The following PABPC4 variants were observed in gnomAD, a reference collection of about 807,000 sequenced individuals.
PABPC4 encodes the protein polyadenylate-binding protein 4.
Under a neutral mutation model 74.5 loss-of-function variants are expected in PABPC4, and 15 were observed. The observed-to-expected ratio is 0.20, with a 90% CI of 0.13 to 0.31. The LOEUF is 0.31. PABPC4 is among the 10% of genes least tolerant of loss of function. The pLI is 1.00. For synonymous variants in PABPC4, 345 were observed against 303.0 expected, an observed-to-expected ratio of 1.14 and a Z score of -1.44; for missense variants, 610 against 853.5, an observed-to-expected ratio of 0.71 and a Z score of 3.55.
At position 39,572,599 on chromosome 1, in the gene PABPC4, A is replaced by G. The variant is rs1645956367; in HGVS notation, c.194-13T>C. ...AAAGCCCGCTCAGCTGTAAGAGAGA[A>G]ACACATTTCAATAAGGAGAGAAAAC... On this transcript the variant is annotated splice_polypyrimidine_tract_variant and intron_variant, in intron 1 of 15. Coordinates refer to ENST00000372858, the MANE Select transcript of PABPC4 (RefSeq NM_001135653.2). The G allele has an allele frequency of 1.2e-6, 2 of 1,605,626 alleles. No homozygotes were observed. Among genetic ancestry groups the G allele is most frequent in the Admixed American group, 3.4e-5 (2 of 59,358 alleles).
At chr1:39,562,479 G>A in intron 12 of PABPC4, 63 bp from the exon 13 acceptor site, 4 of 1,203,636 alleles carry the variant, frequency 3.3e-6, no homozygotes, top group South Asian at 2.6e-5. Flanking sequence ...TGGTGGTTGA[G>A]TGCCTGTTCA....
rs373446411 is a variant in PABPC4 at position 39,567,739 on chromosome 1, G to A, written c.972+12C>T. Reference sequence around the variant, plus strand: ...TACCACTGCTTTCAATCCCCAGATCGCAGTATAATACCTTAGCACTGGTAA... The same window carrying A: ...TACCACTGCTTTCAATCCCCAGATCACAGTATAATACCTTAGCACTGGTAA... On this transcript the variant is annotated intron_variant, in intron 7 of 15. Transcript: ENST00000372858. The A allele has an allele frequency of 1.1e-5, 14 of 1,278,838 alleles. No homozygotes were observed. The highest frequency in any genetic ancestry group is 6.0e-5 in the South Asian group (5 of 83,570). 79.2% of individuals were successfully genotyped at this position (1,278,838 alleles called of 1,614,324 possible).
rs554293569 is a variant in PABPC4, at chr1:39,576,121, G to A, written c.-170C>T. Reference sequence around the variant, plus strand: ...GCTTGGAGACGGGACGGAAACGGGAGGCGGGGGCCGGCTCCCACGGCCGCA... The same window carrying A: ...GCTTGGAGACGGGACGGAAACGGGAAGCGGGGGCCGGCTCCCACGGCCGCA... On this transcript the variant is annotated 5_prime_UTR_variant, in exon 1 of 16. Coordinates refer to ENST00000372858, the MANE Select transcript of PABPC4 (RefSeq NM_001135653.2). The A allele has an allele frequency of 3.8e-4, 197 of 518,224 alleles. No homozygotes were observed. The highest frequency in any genetic ancestry group is 3.8e-3 in the African/African-American group (187 of 49,276). 32.1% of individuals were successfully genotyped at this position (518,224 alleles called of 1,614,324 possible). A position where few individuals can be genotyped will look rare whatever the true frequency, so the allele number is the denominator to read the frequency against.
At chr1:39,566,076 G>T (rs1262532674) in intron 7 of PABPC4, among the ~76,000 whole-genome samples, 1 of 152,128 alleles carries the variant, frequency 6.6e-6, no homozygotes, top group Non-Finnish European at 1.5e-5. Context: ...TTTTCTTTGA[G>T]TCCCCAGGTG....
chr1:39,571,317 A>G lies in PABPC4; in HGVS notation c.420T>C (p.Tyr140=). 6.2e-7 allele frequency: 1 copy of G among 1,614,180 alleles called. No individual in the cohort carries two copies. The highest frequency in any genetic ancestry group is 8.5e-7 in the Non-Finnish European group (1 of 1,180,040). ...CTTGGGTCTCGAAGTGGACAAAGGC[A>G]TAACCCTTAGAGCCGTTCTCATCAC... ...VVCDENGSKG[Y]AFVHFETQEA... is the part of the protein sequence containing the mutation. The change falls in exon 3 of 16, where the codon TAT becomes TAC. Residue 140 remains tyrosine, a synonymous_variant. Coordinates refer to ENST00000372858, the MANE Select transcript of PABPC4 (RefSeq NM_001135653.2).
In PABPC4 at chr1:39,560,990, A is replaced by G; in HGVS notation, c.*146T>C. On this transcript the variant is annotated 3_prime_UTR_variant, in exon 16 of 16. Transcript: ENST00000372858. ...AATTGAAAAATTCTAGGTGCTTCAT[A>G]ATTGACCTTTTGATACAAAATGACC... 1 of 380,182 alleles carries G rather than the reference A, an allele frequency of 2.6e-6. No individual in the cohort carries two copies. Among genetic ancestry groups the G allele is most frequent in the Admixed American group, 3.3e-5 (1 of 30,428 alleles). The allele number at this position is 380,182 out of a possible 1,614,324, so 23.6% of individuals were successfully genotyped here.
In PABPC4 at chr1:39,565,120, G is replaced by C; in HGVS notation, c.1231C>G (p.Pro411Ala). Residue 411 changes from proline to alanine, a missense_variant, in exon 8 of 16, where the codon CCA becomes GCA. By Grantham distance (27) the Pro-to-Ala change is conservative. Around this residue, in one of 4 missense-constraint regions of PABPC4, gnomAD observed 277 missense variants for 301.8 expected, o/e 0.92. Coordinates refer to ENST00000372858, the MANE Select transcript of PABPC4 (RefSeq NM_001135653.2). ...FQPAAGGYFVPAVPQAQGRPP... is the reference protein window; with the variant it reads ...FQPAAGGYFVAAVPQAQGRPP... ...AGCACACCCACCTGTGGGACTGCTG[G>C]CACAAAGTAGCCACCCGCTGCAGGC... 6.2e-7 allele frequency: 1 copy of C among 1,613,864 alleles called. No individual in the cohort carries two copies. Among genetic ancestry groups the C allele is most frequent in the Non-Finnish European group, 8.5e-7 (1 of 1,180,014 alleles).
At chr1:39,562,479 G>T in intron 12 of PABPC4, 63 bp from the exon 13 acceptor site, 2 of 1,203,630 alleles carry the variant, frequency 1.7e-6, no homozygotes, top group Non-Finnish European at 2.4e-6. Flanking sequence ...TGGTGGTTGA[G>T]TGCCTGTTCA....
At chr1:39,564,180 A>G (rs558280979) in intron 10 of PABPC4, 6 of 623,560 alleles carry the variant, frequency 9.6e-6, no homozygotes, top group African/African-American at 1.8e-5. Flanking sequence ...TCCAGCTAGC[A>G]AACTTCTACA....
chr1:39,570,869 T>C (rs1570393516), intron 3 of PABPC4, among the ~76,000 whole-genome samples: 1 of 152,346 alleles, frequency 6.6e-6, no homozygotes, highest in Non-Finnish European at 1.5e-5. Flanking sequence ...GTCACACTGC[T>C]AGTATACAGC....
chr1:39,569,408 A>C (rs1645902337), intron 5 of PABPC4, 187 bp downstream of exon 5: 1 of 602,392 alleles, frequency 1.7e-6, no homozygotes, highest in Non-Finnish European at 3.0e-6. Context: ...GTATGTGCCA[A>C]GTGCTTTGTA....
Position 39,564,495 on chromosome 1 carries a change from T to G in PABPC4, c.1381A>C (p.Thr461Pro), listed in dbSNP as rs564686454. The G allele has an allele frequency of 1.2e-6, 2 of 1,614,040 alleles. No individual in the cohort carries two copies. Among genetic ancestry groups the G allele is most frequent in the Non-Finnish European group, 1.7e-6 (2 of 1,180,000 alleles). The change falls in exon 10 of 16, where the codon ACT becomes CCT. Residue 461 changes from threonine (T) to proline (P), a missense_variant. Thr to Pro is a conservative substitution (Grantham distance 38). This residue lies in a region of PABPC4 where 277 missense variants were observed against 301.8 expected (regional missense o/e 0.92). Coordinates refer to ENST00000372858, the MANE Select transcript of PABPC4 (RefSeq NM_001135653.2). The part of the protein sequence containing the change: ...SAIRQSGPRP[T>P]LRHLAPTGNA... Reference sequence around the variant, plus strand: ...CCAGTTGGAGCCAGATGGCGAAGAGTTGGACGAGGCCCAGACTGGCGTATA... The same window carrying G: ...CCAGTTGGAGCCAGATGGCGAAGAGGTGGACGAGGCCCAGACTGGCGTATA...
intron 12 of PABPC4, chr1:39,563,300 A>G (rs1645789176): frequency 6.6e-6 from 2 of 301,868 alleles, no homozygotes; most frequent in Non-Finnish European, 1.2e-5. Flanking sequence ...CAAGGATCCA[A>G]TAGGTCATTG....
rs1005840139 is a variant in PABPC4, at chr1:39,571,010, G to A, written c.503+224C>T. 2.2e-6 allele frequency: 3 copies of A among 1,384,766 alleles called. No individual in the cohort carries two copies. In the African/African-American group the frequency reaches 4.4e-5, roughly 20 times the overall value. 85.8% of individuals were successfully genotyped at this position (1,384,766 alleles called of 1,614,324 possible). The stretch of plus-strand genomic sequence containing the variant: ...AACCCACAGACAGATGCCTTTAAGG[G>A]AGAGGCGGCAGGCAGGCCATGGCTT... On this transcript the variant is annotated intron_variant, in intron 3 of 15. Transcript: ENST00000372858.
chr1:39,575,764 G>A lies in PABPC4; in HGVS notation c.188C>T (p.Ala63Val). 2 of 1,592,436 alleles carry A rather than the reference G, an allele frequency of 1.3e-6. No individual in the cohort carries two copies. Among genetic ancestry groups the A allele is most frequent in the South Asian group, 1.1e-5 (1 of 89,384 alleles). Residue 63 changes from alanine to valine, a missense_variant, in exon 1 of 16, where the codon GCC becomes GTC. Around this residue, in one of 4 missense-constraint regions of PABPC4, gnomAD observed 304 missense variants for 478.9 expected, o/e 0.63. Transcript: ENST00000372858. The stretch of plus-strand genomic sequence containing the variant: ...TGGGCACAGCTTCTACTCACCGTCG[G>A]CCGGCTGCTGGAAGTTGACGTAGGC... ...GYAYVNFQQP[A>V]DAERALDTMN...
At chr1:39,565,757 GAC>G (rs1244025846) in intron 7 of PABPC4, among the ~76,000 whole-genome samples, 2 of 152,254 alleles carry the variant, frequency 1.3e-5, no homozygotes, top group Admixed American at 1.3e-4. Flanking sequence ...CAACCCGGGA[GAC>G]AGAGATTGCA....
chr1:39,562,523 G>C, intron 12 of PABPC4, 107 bp from the exon 13 acceptor site: 1 of 781,784 alleles, frequency 1.3e-6, no homozygotes, highest in South Asian at 1.8e-5. Flanking sequence ...AAAGAGGAGA[G>C]GAGGTGGCTG....
chr1:39,567,810 T>G lies in PABPC4; in HGVS notation c.913A>C (p.Ile305Leu). The part of the protein sequence containing the change: ...NLYIKNLDDT[I>L]DDEKLRKEFS... Reference sequence around the variant, plus strand: ...TCTTTCCTTAATTTCTCATCATCAATAGTGTCATCCAAGTTCTTAATGTAG... The same window carrying G: ...TCTTTCCTTAATTTCTCATCATCAAGAGTGTCATCCAAGTTCTTAATGTAG... The change falls in exon 7 of 16, where the codon ATT becomes CTT. Residue 305 changes from isoleucine (I) to leucine (L), a missense_variant. By Grantham distance (5) the Ile-to-Leu change is conservative. Coordinates refer to ENST00000372858, the MANE Select transcript of PABPC4 (RefSeq NM_001135653.2). The G allele has an allele frequency of 6.3e-7, 1 of 1,599,786 alleles. No individual in the cohort carries two copies. The highest frequency in any genetic ancestry group is 8.6e-7 in the Non-Finnish European group (1 of 1,166,972).
intron 7 of PABPC4, 92 bp from the exon 8 acceptor site, chr1:39,565,470 G>A (rs1247608299): frequency 1.5e-6 from 2 of 1,344,004 alleles, no homozygotes; most frequent in Non-Finnish European, 2.0e-6. Flanking sequence ...GGAAGGCTGA[G>A]GTGGGAGGGC....
Sources: allele counts gnomAD v4.1 joint callset (sites outside exome capture counted in the v4.1 genomes callset), GRCh38; gene constraint gnomAD v4.1.1; regional missense constraint gnomAD v4.1.1; transcripts MANE v1.5; gene names NCBI Gene and HGNC (gene_info 2026-07-23, HGNC 2026-07-21).